The following CHN2 variants were observed in gnomAD, a reference collection of about 807,000 sequenced individuals.
CHN2 encodes the protein beta-chimaerin.
Under a neutral mutation model 56.3 loss-of-function variants are expected in CHN2, and 35 were observed. That is an observed-to-expected ratio of 0.62 (90% CI 0.47 to 0.82). The LOEUF (loss-of-function observed/expected upper bound fraction) is 0.82. Ranked by LOEUF, CHN2 falls within the 40% of genes least tolerant of loss-of-function variation. The probability of loss-of-function intolerance (pLI) is 0.00; values close to 1 mark genes in which losing one functional copy is unlikely to be tolerated. For missense variants in CHN2, 491 were observed against 580.5 expected, an observed-to-expected ratio of 0.85 and a Z score of 1.58; for synonymous variants, 210 against 212.8, an observed-to-expected ratio of 0.99 and a Z score of 0.12.
At chr7:29,331,749 G>A (rs1022224111) in intron 1 of CHN2, among the ~76,000 whole-genome samples, 1 of 152,184 alleles carries the variant, frequency 6.6e-6, no homozygotes, top group Non-Finnish European at 1.5e-5. Context: ...AAGAACACAA[G>A]TGCAATGTTC....
At chr7:29,473,276 A>G (rs771775856) in intron 6 of CHN2, among the ~76,000 whole-genome samples, 9 of 152,184 alleles carry the variant, frequency 5.9e-5, no homozygotes, top group Admixed American at 3.3e-4. Flanking sequence ...AGCACTGACT[A>G]CGTTCATACT....
intron 2 of CHN2, among the ~76,000 whole-genome samples, chr7:29,169,384 A>AC (rs1022261574): frequency 4.6e-4 from 70 of 152,080 alleles, no homozygotes; most frequent in African/African-American, 1.7e-3. Context: ...CCATTTTCAT[A>AC]CCCCTCTAAA....
At chr7:29,274,703 A>G (rs1400537755) in intron 1 of CHN2, among the ~76,000 whole-genome samples, 2 of 152,190 alleles carry the variant, frequency 1.3e-5, no homozygotes, top group Admixed American at 6.5e-5. Flanking sequence ...AAGAGAAGCT[A>G]TTAAAACAAA....
intron 6 of CHN2, among the ~76,000 whole-genome samples, chr7:29,467,967 T>A (rs1785672979): frequency 6.6e-6 from 1 of 152,160 alleles, no homozygotes. Context: ...AGGGAGCATG[T>A]GTGCTGCTTC....
At chr7:29,456,658 G>A (rs1784791921) in intron 6 of CHN2, among the ~76,000 whole-genome samples, 1 of 121,406 alleles carries the variant, frequency 8.2e-6, no homozygotes, top group Non-Finnish European at 1.6e-5. Flanking sequence ...TCGCCATTCT[G>A]ATGTCTAGAT....
intron 1 of CHN2, among the ~76,000 whole-genome samples, chr7:29,219,604 C>T (rs537540395): frequency 6.6e-6 from 1 of 151,970 alleles, no homozygotes; most frequent in African/African-American, 2.4e-5. Flanking sequence ...TTTTAAGATA[C>T]TTTACTAAGT....
intron 6 of CHN2, among the ~76,000 whole-genome samples, chr7:29,437,714 T>G (rs1448284321): frequency 6.7e-6 from 1 of 148,300 alleles, no homozygotes; most frequent in Non-Finnish European, 1.5e-5. Flanking sequence ...AGATAGCTCT[T>G]TGCTTAGGGA....
intron 1 of CHN2, among the ~76,000 whole-genome samples, chr7:29,274,633 C>T (rs1281818876): frequency 1.3e-5 from 2 of 150,350 alleles, no homozygotes; most frequent in Non-Finnish European, 2.9e-5. Flanking sequence ...CCAGTCTATG[C>T]CCGCTGGAGA....
At chr7:29,255,802 G>T (rs1789028078) in intron 1 of CHN2, among the ~76,000 whole-genome samples, 1 of 152,198 alleles carries the variant, frequency 6.6e-6, no homozygotes, top group South Asian at 2.1e-4. Context: ...TTCTCTCTTT[G>T]CAGGCTGATT....
chr7:29,357,602 G>A (rs1562543745), intron 2 of CHN2, among the ~76,000 whole-genome samples: 2 of 152,166 alleles, frequency 1.3e-5, no homozygotes, highest in Non-Finnish European at 2.9e-5. Flanking sequence ...TAGTCAAGGA[G>A]ACAGATGTAA....
chr7:29,471,909 T>C (rs964800845), intron 6 of CHN2, among the ~76,000 whole-genome samples: 3 of 152,138 alleles, frequency 2.0e-5, no homozygotes, highest in Admixed American at 6.5e-5. Context: ...GCCATGGCAA[T>C]GTGTTTGCGT....
chr7:29,226,423 A>G (rs1315355711), intron 1 of CHN2, among the ~76,000 whole-genome samples: 1 of 152,228 alleles, frequency 6.6e-6, no homozygotes, highest in Non-Finnish European at 1.5e-5. Flanking sequence ...TTTTAAATAG[A>G]AAAATAAACA....
At chr7:29,171,444 G>A (rs542224298) in intron 2 of CHN2, among the ~76,000 whole-genome samples, 5 of 152,252 alleles carry the variant, frequency 3.3e-5, no homozygotes, top group Non-Finnish European at 5.9e-5. Context: ...TAGAAGGAGC[G>A]CCACACCTCA....
At chr7:29,243,108 C>G (rs916219357) in intron 1 of CHN2, among the ~76,000 whole-genome samples, 6 of 152,134 alleles carry the variant, frequency 3.9e-5, no homozygotes, top group African/African-American at 9.6e-5. Context: ...CTATTTTAAT[C>G]TAATCAGTTA....
At chr7:29,180,114 C>A (rs181462597) in intron 2 of CHN2, among the ~76,000 whole-genome samples, 3 of 152,146 alleles carry the variant, frequency 2.0e-5, no homozygotes, top group African/African-American at 7.2e-5. Context: ...CTTAATATTC[C>A]GAAGTCAATC....
chr7:29,481,270 G>A (rs1000115511), intron 7 of CHN2, among the ~76,000 whole-genome samples: 4 of 152,210 alleles, frequency 2.6e-5, no homozygotes, highest in African/African-American at 9.6e-5. Flanking sequence ...GAAGCAAAAT[G>A]TGAATTGCTT....
At chr7:29,349,798 T>C (rs1797739946) in intron 1 of CHN2, among the ~76,000 whole-genome samples, 1 of 152,200 alleles carries the variant, frequency 6.6e-6, no homozygotes, top group South Asian at 2.1e-4. Flanking sequence ...TCTTCTGCGT[T>C]CAAGGATAAT....
rs1329356547 is a variant in CHN2, at chr7:29,307,214, T to C, written c.50-47411T>C. Among the ~76,000 whole-genome samples, 3 of 152,218 alleles carry C rather than the reference T, an allele frequency of 2.0e-5. No individual in the cohort carries two copies. In the South Asian group the frequency reaches 6.2e-4, roughly 31 times the overall value. ...GATGTTTTGAGGGGTCTGCAGCCTC[T>C]TTTATACATTTTTAAAAGCCTAATA... On this transcript the variant is annotated intron_variant, in intron 1 of 12. Coordinates refer to ENST00000222792, the MANE Select transcript of CHN2 (RefSeq NM_004067.4).
At chr7:29,356,447 C>T (rs1798323703) in intron 2 of CHN2, among the ~76,000 whole-genome samples, 2 of 152,124 alleles carry the variant, frequency 1.3e-5, no homozygotes, top group South Asian at 2.1e-4. Context: ...CACAAATTCC[C>T]CACCCCATAT....
Sources: allele counts gnomAD v4.1 joint callset (sites outside exome capture counted in the v4.1 genomes callset), GRCh38; gene constraint gnomAD v4.1.1; transcripts MANE v1.5; gene names NCBI Gene and HGNC (gene_info 2026-07-23, HGNC 2026-07-21).